The following CFD variants were observed in gnomAD, a reference collection of about 807,000 sequenced individuals.
The protein encoded by CFD is C3 convertase activator.
CFD carries 24 observed loss-of-function variants against 21.1 expected under a neutral mutation model. The observed-to-expected ratio is 1.14, with a 90% confidence interval of 0.82 to 1.60. The LOEUF (loss-of-function observed/expected upper bound fraction) is 1.60, where lower values mean the gene tolerates loss of function less well. Among genes scored for constraint, CFD ranks in the 40% most tolerant of loss-of-function variants. CFD has a pLI of 0.00. For synonymous variants in CFD, 242 were observed against 175.9 expected (o/e 1.38, Z -2.97); for missense variants, 535 against 383.3 (o/e 1.40, Z -3.31).
Position 863,500 on chromosome 19 carries a change from G to A in CFD, c.*262G>A, listed in dbSNP as rs116938070. On this transcript the variant is annotated 3_prime_UTR_variant, in exon 5 of 5. Transcript: ENST00000327726. The stretch of plus-strand genomic sequence containing the variant: ...GCTTGTAGTTCCAGCTACTCAGGAG[G>A]CTGAGGTGGGAGGATGACTTGAACG... 3,945 of 536,552 alleles carry A rather than the reference G, an allele frequency of 7.4e-3. 128 individuals carry two copies. In the East Asian group the frequency reaches 0.09, roughly 12 times the overall value. 33.2% of individuals were successfully genotyped at this position (536,552 alleles called of 1,614,324 possible).
rs182067009 is a variant in CFD at position 860,784 on chromosome 19, G to T, written c.212+11G>T. 12 of 1,561,612 alleles carry T rather than the reference G, an allele frequency of 7.7e-6. No individual in the cohort carries two copies. Among genetic ancestry groups the T allele is most frequent in the Non-Finnish European group, 1.0e-5 (12 of 1,162,348 alleles). ...CTGCCTGGAGGACGCGTGAGTGCCC[G>T]CGCCGCGCGGGGGAAGAGCCCGGGT... On this transcript the variant is annotated intron_variant, in intron 2 of 4. Coordinates refer to ENST00000327726, the MANE Select transcript of CFD (RefSeq NM_001928.4).
rs2035828234 is a variant in CFD, at chr19:862,987, TGAGCGAGCATTGTGGG to T, written c.616-103_616-88del. The T allele has an allele frequency of 1.5e-5, 17 of 1,143,560 alleles. No individual in the cohort carries two copies. The East Asian group carries it at 4.4e-4, about 30-fold the overall frequency. The allele number at this position is 1,143,560 out of a possible 1,614,324, so 70.8% of individuals were successfully genotyped here. On this transcript the variant is annotated intron_variant, in intron 4 of 4. Coordinates refer to ENST00000327726, the MANE Select transcript of CFD (RefSeq NM_001928.4). ...GAAGACCAAATTAACACGGGAGGGATGAGCGAGCATTGTGGGGCGGGAGCGGCAGCCAGGTGAGGGG... is the reference window on the plus strand; with the variant it reads ...GAAGACCAAATTAACACGGGAGGGATGCGGGAGCGGCAGCCAGGTGAGGGG...
intron 3 of CFD, 106 bp from the exon 4 acceptor site, chr19:861,593 C>T: frequency 2.2e-6 from 3 of 1,377,586 alleles, no homozygotes; most frequent in Non-Finnish European, 3.0e-6. Flanking sequence ...GACCCACGCC[C>T]CTGCCCTGAT....
At position 861,693 on chromosome 19, in the gene CFD, C is replaced by T. The variant is rs750491987; in HGVS notation, c.358-6C>T. On this transcript the variant is annotated splice_region_variant and splice_polypyrimidine_tract_variant and intron_variant, in intron 3 of 4. Transcript: ENST00000327726. Reference sequence around the variant, plus strand: ...CCCCAACCCTGACGTCCGCCTCCACCCTCAGCTGTCGGAGAAGGCCACACT... The same window carrying T: ...CCCCAACCCTGACGTCCGCCTCCACTCTCAGCTGTCGGAGAAGGCCACACT... 3.8e-6 allele frequency: 6 copies of T among 1,598,134 alleles called. No individual in the cohort carries two copies. The highest frequency in any genetic ancestry group is 3.4e-5 in the Admixed American group (2 of 58,876).
intron 4 of CFD, among the ~76,000 whole-genome samples, 185 bp downstream of exon 4, chr19:862,141 C>T (rs995368156): frequency 2.9e-4 from 1 of 3,500 alleles, no homozygotes; most frequent in African/African-American, 1.7e-3. Flanking sequence ...TATGAGGGGG[C>T]GGGGCATGTG....
chr19:861,704 G>C lies in CFD; in HGVS notation c.363G>C (p.Ser121=). The change falls in exon 4 of 5, where the codon TCG becomes TCC. Residue 121 remains serine, a synonymous_variant. Coordinates refer to ENST00000327726, the MANE Select transcript of CFD (RefSeq NM_001928.4). The stretch of plus-strand genomic sequence containing the variant: ...ACGTCCGCCTCCACCCTCAGCTGTC[G>C]GAGAAGGCCACACTGGGCCCTGCTG... The part of the protein sequence containing the change: ...IDHDLLLLQL[S]EKATLGPAVR... 3.7e-6 allele frequency: 6 copies of C among 1,600,856 alleles called. No individual in the cohort carries two copies. The highest frequency in any genetic ancestry group is 3.3e-5 in the South Asian group (3 of 89,656).
Position 861,012 on chromosome 19 carries a change from C to T in CFD, c.357+7C>T. On this transcript the variant is annotated splice_region_variant and intron_variant, in intron 3 of 4. Transcript: ENST00000327726. ...CGACCTCCTGCTGCTACAGGTCGGC[C>T]CCGTGTAGCGCAGTCCCTCCTGCGG... The T allele has an allele frequency of 6.3e-7, 1 of 1,597,402 alleles. No individual in the cohort carries two copies. Among genetic ancestry groups the T allele is most frequent in the Non-Finnish European group, 8.5e-7 (1 of 1,179,162 alleles).
Position 861,025 on chromosome 19 carries a change from G to T in CFD, c.357+20G>T, listed in dbSNP as rs1414658254. ...CTACAGGTCGGCCCCGTGTAGCGCA[G>T]TCCCTCCTGCGGCGCTGGGATCCCC... On this transcript the variant is annotated intron_variant, in intron 3 of 4. Coordinates refer to ENST00000327726, the MANE Select transcript of CFD (RefSeq NM_001928.4). 6.3e-7 allele frequency: 1 copy of T among 1,595,466 alleles called. No homozygotes were observed. The highest frequency in any genetic ancestry group is 8.5e-7 in the Non-Finnish European group (1 of 1,178,436).
rs368257003 is a variant in CFD at position 863,154 on chromosome 19, G to A, written c.678G>A (p.Ser226=). The change falls in exon 5 of 5, where the codon TCG becomes TCA. Residue 226 remains serine (S), a synonymous_variant. Coordinates refer to ENST00000327726, the MANE Select transcript of CFD (RefSeq NM_001928.4). ...TCGAGGGCGTGGTCACCTCGGGCTC[G>A]CGCGTTTGCGGCAACCGCAAGAAGC... is the stretch of plus-strand genomic sequence containing the variant. ...GVLEGVVTSG[S]RVCGNRKKPG... The A allele has an allele frequency of 1.4e-5, 22 of 1,535,710 alleles. No individual in the cohort carries two copies. The highest frequency in any genetic ancestry group is 4.1e-5 in the African/African-American group (3 of 72,950).
chr19:860,438 C>T (rs913885941), intron 1 of CFD, among the ~76,000 whole-genome samples, 179 bp from the exon 2 acceptor site: 2 of 150,652 alleles, frequency 1.3e-5, no homozygotes, highest in African/African-American at 4.9e-5. Context: ...GCACCCCCCC[C>T]TCCCCCCCCG....
chr19:861,586 C>G, intron 3 of CFD, 113 bp from the exon 4 acceptor site: 1 of 1,319,372 alleles, frequency 7.6e-7, no homozygotes, highest in East Asian at 2.5e-5. Flanking sequence ...GCACTGAGAC[C>G]CACGCCCCTG....
Position 861,854 on chromosome 19 carries a change from G to T in CFD, c.513G>T (p.Leu171Phe). The change falls in exon 4 of 5, where the codon TTG becomes TTT. Residue 171 changes from leucine (L) to phenylalanine (F), a missense_variant. Leu to Phe is a conservative substitution (Grantham distance 22, BLOSUM62 0). Coordinates refer to ENST00000327726, the MANE Select transcript of CFD (RefSeq NM_001928.4). The stretch of plus-strand genomic sequence containing the variant: ...CGGACAGCCTGCAGCACGTGCTCTT[G>T]CCAGTGCTGGACCGCGCCACCTGCA... Reference protein sequence around the residue: ...RRPDSLQHVLLPVLDRATCNR... With the variant: ...RRPDSLQHVLFPVLDRATCNR... The T allele has an allele frequency of 6.3e-7, 1 of 1,598,394 alleles. No individual in the cohort carries two copies. Among genetic ancestry groups the T allele is most frequent in the Non-Finnish European group, 8.5e-7 (1 of 1,177,982 alleles).
In CFD at chr19:863,475, G is replaced by T. The variant is rs1391144159; in HGVS notation, c.*237G>T. The T allele has an allele frequency of 1.4e-5, 8 of 577,414 alleles. No individual in the cohort carries two copies. Among genetic ancestry groups the T allele is most frequent in the Non-Finnish European group, 2.5e-5 (8 of 319,646 alleles). 35.8% of individuals were successfully genotyped at this position (577,414 alleles called of 1,614,324 possible). A position where few individuals can be genotyped will look rare whatever the true frequency, so the allele number is the denominator to read the frequency against. On this transcript the variant is annotated 3_prime_UTR_variant, in exon 5 of 5. Transcript: ENST00000327726. ...GCAATTGGCGGGCATGGAGGTGGGT[G>T]CTTGTAGTTCCAGCTACTCAGGAGG...
intron 1 of CFD, 111 bp downstream of exon 1, chr19:859,855 C>G (rs976692993): frequency 1.3e-6 from 1 of 765,598 alleles, no homozygotes; most frequent in South Asian, 1.5e-5. Context: ...AAGGGGGTGT[C>G]TCTCCTCACT....
chr19:861,676 C>T lies in CFD; in HGVS notation c.358-23C>T, dbSNP rs1220876382. On this transcript the variant is annotated intron_variant, in intron 3 of 4. Coordinates refer to ENST00000327726, the MANE Select transcript of CFD (RefSeq NM_001928.4). Reference sequence around the variant, plus strand: ...AGCCTCGCACCCCCGCACCCCAACCCTGACGTCCGCCTCCACCCTCAGCTG... The same window carrying T: ...AGCCTCGCACCCCCGCACCCCAACCTTGACGTCCGCCTCCACCCTCAGCTG... 4 of 1,586,974 alleles carry T rather than the reference C, an allele frequency of 2.5e-6. No homozygotes were observed. The African/African-American group carries it at 5.4e-5, about 21-fold the overall frequency.
intron 4 of CFD, 143 bp from the exon 5 acceptor site, chr19:862,949 G>C: frequency 1.2e-6 from 1 of 804,856 alleles, no homozygotes; most frequent in Non-Finnish European, 1.9e-6. Context: ...GTGGCGCGGG[G>C]CTATTGACTA....
Position 861,813 on chromosome 19 carries a change from C to A in CFD, c.472C>A (p.His158Asn). Residue 158 changes from histidine (H) to asparagine (N), a missense_variant, in exon 4 of 5, where the codon CAC (histidine) becomes AAC (asparagine). Coordinates refer to ENST00000327726, the MANE Select transcript of CFD (RefSeq NM_001928.4). The stretch of plus-strand genomic sequence containing the variant: ...CGTGGCCGGCTGGGGCATAGTCAAC[C>A]ACGCGGGCCGCCGCCCGGACAGCCT... ...CDVAGWGIVN[H>N]AGRRPDSLQH... The A allele has an allele frequency of 1.9e-6, 3 of 1,603,188 alleles. No homozygotes were observed. Among genetic ancestry groups the A allele is most frequent in the Non-Finnish European group, 2.5e-6 (3 of 1,179,138 alleles).
chr19:862,510 T>C (rs1256162426), intron 4 of CFD, among the ~76,000 whole-genome samples: 2 of 2,824 alleles, frequency 7.1e-4, no homozygotes, highest in African/African-American at 2.9e-3. Flanking sequence ...GGGCGGGGCA[T>C]GGGGACGGGG....
rs762667527 is a variant in CFD at position 861,882 on chromosome 19, C to T, written c.541C>T (p.Arg181Trp). The T allele has an allele frequency of 1.6e-5, 25 of 1,589,708 alleles. No individual in the cohort carries two copies. Among genetic ancestry groups the T allele is most frequent in the Non-Finnish European group, 2.0e-5 (24 of 1,174,588 alleles). ...AGTGCTGGACCGCGCCACCTGCAAC[C>T]GGCGCACGCACCACGACGGCGCCAT... The part of the protein sequence containing the change: ...LPVLDRATCN[R>W]RTHHDGAITE... The change falls in exon 4 of 5, where the codon CGG becomes TGG. Residue 181 changes from arginine (R) to tryptophan (W), a missense_variant. Transcript: ENST00000327726.
Sources: allele counts gnomAD v4.1 joint callset (sites outside exome capture counted in the v4.1 genomes callset), GRCh38; gene constraint gnomAD v4.1.1; transcripts MANE v1.5; gene names NCBI Gene and HGNC (gene_info 2026-07-23, HGNC 2026-07-21).